CELF2: variants seen among roughly 807,000 people sequenced by gnomAD.
CELF2 encodes CUGBP Elav-like family member 2.
A neutral mutation model predicts 62.6 loss-of-function variants in CELF2; 8 were observed. The ratio of observed to expected loss-of-function variants is 0.13; its 90% CI spans 0.07 to 0.23. The LOEUF (loss-of-function observed/expected upper bound fraction) is 0.23, where lower values mean the gene tolerates loss of function less well. CELF2 is among the 10% of genes least tolerant of loss of function. CELF2 has a pLI of 1.00. For missense variants in CELF2, 333 were observed against 671.0 expected (o/e 0.50, Z 5.56); for synonymous variants, 258 against 250.0 (o/e 1.03, Z -0.30).
chr10:11,146,853 A>C (rs1366867438), intron 1 of CELF2, among the ~76,000 whole-genome samples: 1 of 152,202 alleles, frequency 6.6e-6, no homozygotes, highest in African/African-American at 2.4e-5. Flanking sequence ...GGACGTCCTG[A>C]TAGCACGGGT....
intron 1 of CELF2, among the ~76,000 whole-genome samples, chr10:11,094,039 G>A (rs10490955): frequency 0.16 from 24,688 of 152,106 alleles, 2,814 homozygotes; most frequent in African/African-American, 0.32. Context: ...ATGAGTTCTC[G>A]GAGATTCAAT....
intron 1 of CELF2, among the ~76,000 whole-genome samples, chr10:10,892,250 A>G (rs1051388208): frequency 6.6e-6 from 1 of 152,138 alleles, no homozygotes; most frequent in African/African-American, 2.4e-5. Context: ...CAGGGTCACA[A>G]TCAGGTTTAG....
chr10:10,669,869 T>C, the CELF2 span, among the ~76,000 whole-genome samples: 1 of 151,970 alleles, frequency 6.6e-6, no homozygotes, highest in Non-Finnish European at 1.5e-5. Flanking sequence ...TGCATGCTTC[T>C]TGTAGGAAGG....
At chr10:10,951,630 G>T (rs772899133) in intron 2 of CELF2, among the ~76,000 whole-genome samples, 2 of 152,138 alleles carry the variant, frequency 1.3e-5, no homozygotes, top group Non-Finnish European at 2.9e-5. Flanking sequence ...CAATTCACCC[G>T]GTGTTCAGTC....
intron 1 of CELF2, among the ~76,000 whole-genome samples, chr10:11,047,372 C>T (rs562215276): frequency 4.6e-5 from 7 of 152,222 alleles, no homozygotes; most frequent in African/African-American, 7.2e-5. Context: ...GCAAAAAGAA[C>T]GCAAGCTTAG....
the CELF2 span, among the ~76,000 whole-genome samples, chr10:10,625,406 G>A: frequency 6.6e-6 from 1 of 152,160 alleles, no homozygotes; most frequent in Admixed American, 6.5e-5. Flanking sequence ...ACTTTAGTGG[G>A]TACTAATATT....
At position 11,285,076 on chromosome 10, in the gene CELF2, G is replaced by T. The variant is rs181083968; in HGVS notation, c.842-3342G>T. On this transcript the variant is annotated intron_variant, in intron 8 of 12. Transcript: ENST00000633077. The surrounding 1 kb of genome is among the most constrained non-coding windows in gnomAD (Gnocchi z 4.3). The stretch of plus-strand genomic sequence containing the variant: ...TGGATGGATAGTTGGGTGGTTACGC[G>T]GAATGATGGATGGATGGATGGGTGG... Among the ~76,000 whole-genome samples, 5 of 146,638 alleles carry T rather than the reference G, an allele frequency of 3.4e-5. No individual in the cohort carries two copies. The highest frequency in any genetic ancestry group is 1.0e-4 in the African/African-American group (4 of 39,612).
intron 2 of CELF2, among the ~76,000 whole-genome samples, chr10:10,954,220 ATTATT>A (rs1335101439): frequency 3.3e-5 from 1 of 29,894 alleles, no homozygotes; most frequent in Non-Finnish European, 8.7e-5. Context: ...ATTTATTATT[ATTATT>A]ATTATTATTA....
At chr10:10,703,810 G>T in the CELF2 span, among the ~76,000 whole-genome samples, 4 of 152,292 alleles carry the variant, frequency 2.6e-5, no homozygotes, top group African/African-American at 9.6e-5. Flanking sequence ...TTTCTCAGAC[G>T]AGGGAGAATT....
At chr10:10,937,837 G>A (rs2046594448) in intron 2 of CELF2, among the ~76,000 whole-genome samples, 4 of 151,420 alleles carry the variant, frequency 2.6e-5, no homozygotes, top group South Asian at 2.1e-4. Context: ...GTGTATGAAT[G>A]TATATATATA....
intron 2 of CELF2, chr10:10,927,142 A>T (rs1375783915): frequency 6.6e-6 from 1 of 152,040 alleles, no homozygotes; most frequent in Non-Finnish European, 1.5e-5. Context: ...TTTAAAGATC[A>T]TCTTTATGCA....
At chr10:10,718,491 G>T in the CELF2 span, among the ~76,000 whole-genome samples, 1 of 152,058 alleles carries the variant, frequency 6.6e-6, no homozygotes, top group Non-Finnish European at 1.5e-5. Flanking sequence ...GGGCATGGTG[G>T]CGGGCACCTG....
chr10:10,696,949 C>T, the CELF2 span, among the ~76,000 whole-genome samples: 18 of 152,210 alleles, frequency 1.2e-4, no homozygotes, highest in South Asian at 6.2e-4. Context: ...TCTTCTGCGT[C>T]GCTCACGCTG....
At chr10:10,791,722 G>A in the CELF2 span, among the ~76,000 whole-genome samples, 1 of 152,010 alleles carries the variant, frequency 6.6e-6, no homozygotes, top group Non-Finnish European at 1.5e-5. Flanking sequence ...GGCTCCCCAG[G>A]GTATCGAAAG....
the CELF2 span, among the ~76,000 whole-genome samples, chr10:10,591,773 G>C: frequency 6.6e-6 from 1 of 152,224 alleles, no homozygotes; most frequent in South Asian, 2.1e-4. Flanking sequence ...ACCGCCAAGA[G>C]AGGCTTTGTC....
intron 1 of CELF2, among the ~76,000 whole-genome samples, chr10:11,144,900 G>GAAAAAAAAAAA (rs397846995): frequency 2.7e-5 from 2 of 74,114 alleles, no homozygotes; most frequent in African/African-American, 1.1e-4. Context: ...TCAGGAAACA[G>GAAAAAAAAAAA]AAAAAAAAAA....
At position 11,217,448 on chromosome 10, in the gene CELF2, A is replaced by G. The variant is rs2063639408; in HGVS notation, c.295A>G (p.Thr99Ala). Reference sequence around the variant, plus strand: ...AGGTTGTTGTTTCGTAACATTTTATACAAGAAAAGCTGCACTTGAGGCCCA... The same window carrying G: ...AGGTTGTTGTTTCGTAACATTTTATGCAAGAAAAGCTGCACTTGAGGCCCA... Reference protein sequence around the residue: ...SKGCCFVTFYTRKAALEAQNA... With the variant: ...SKGCCFVTFYARKAALEAQNA... The change falls in exon 3 of 13, where the codon ACA (threonine) becomes GCA (alanine). Residue 99 changes from threonine (T) to alanine (A), a missense_variant. This residue lies in a region of CELF2 where 253 missense variants were observed against 503.0 expected (regional missense o/e 0.50). Coordinates refer to ENST00000633077, the MANE Select transcript of CELF2 (RefSeq NM_001326342.2). The surrounding 1 kb of genome is among the most constrained non-coding windows in gnomAD (Gnocchi z 5.6). 2 of 1,613,020 alleles carry G rather than the reference A, an allele frequency of 1.2e-6. No homozygotes were observed. Among genetic ancestry groups the G allele is most frequent in the Non-Finnish European group, 1.7e-6 (2 of 1,179,294 alleles).
the CELF2 span, among the ~76,000 whole-genome samples, chr10:10,740,019 C>G: frequency 6.6e-6 from 1 of 151,842 alleles, no homozygotes; most frequent in Non-Finnish European, 1.5e-5. Flanking sequence ...GATATTAAGC[C>G]CTTATTAGAT....
chr10:11,112,881 G>A (rs1025600683), intron 1 of CELF2, among the ~76,000 whole-genome samples: 3 of 151,474 alleles, frequency 2.0e-5, no homozygotes, highest in Non-Finnish European at 4.4e-5. Flanking sequence ...ATGAGTAAAC[G>A]CATTGCATTT....
Sources: gnomAD v4.1 joint callset for allele counts (sites outside exome capture counted in the v4.1 genomes callset) on GRCh38, gnomAD v4.1.1 for gene constraint, gnomAD v4.1.1 regional missense constraint, Gnocchi (gnomAD v3.1) non-coding constraint, MANE v1.5 for transcripts, NCBI Gene and HGNC (gene_info 2026-07-23, HGNC 2026-07-21) for gene names.